Variants in CFAP47 observed in about 807,000 individuals in gnomAD.
CFAP47 encodes cilia- and flagella-associated protein 47.
Under a neutral mutation model 148.1 loss-of-function variants are expected in CFAP47, and 29 were observed. The observed-to-expected ratio is 0.20, with a 90% CI of 0.15 to 0.27. The LOEUF (loss-of-function observed/expected upper bound fraction) is 0.27. Among genes scored for constraint, CFAP47 ranks in the 10% least tolerant of loss-of-function variants. The pLI, the probability that CFAP47 is intolerant of heterozygous loss-of-function variation, is 1.00. For synonymous variants in CFAP47, 664 were observed against 577.3 expected (o/e 1.15, Z -2.15); for missense variants, 1,872 against 1,697.5 (o/e 1.10, Z -1.81).
chrX:36,059,119 G>C (rs1937575165), intron 26 of CFAP47, among the ~76,000 whole-genome samples: 1 of 111,343 alleles, frequency 9.0e-6, no homozygotes, highest in African/African-American at 3.3e-5. Flanking sequence ...CCTTGTTTTT[G>C]TGCTATTCTT....
At chrX:35,942,213 T>C (rs192932748) in intron 3 of CFAP47, among the ~76,000 whole-genome samples, 1 of 111,705 alleles carries the variant, frequency 9.0e-6, no homozygotes, top group East Asian at 2.8e-4. Flanking sequence ...GGTATTTCTA[T>C]CTGAGACTGT....
intron 8 of CFAP47, among the ~76,000 whole-genome samples, chrX:35,966,217 ATAT>A (rs1936400377): frequency 8.9e-6 from 1 of 112,348 alleles, no homozygotes; most frequent in South Asian, 3.4e-4. Context: ...TTAGCTGCTA[ATAT>A]TTAAGAAATA....
chrX:36,045,990 A>G (rs1378279803), intron 25 of CFAP47, among the ~76,000 whole-genome samples: 4 of 111,511 alleles, frequency 3.6e-5, no homozygotes, highest in African/African-American at 1.3e-4. Context: ...GCTAAGTAAT[A>G]ACTGAATTAT....
chrX:36,320,735 C>CT (rs1267650592), intron 57 of CFAP47, among the ~76,000 whole-genome samples: 1 of 111,767 alleles, frequency 8.9e-6, no homozygotes, highest in East Asian at 2.8e-4. Context: ...GATTTTTTCC[C>CT]TTTTTTTAAG....
chrX:36,329,276 A>AAT (rs200336423), intron 57 of CFAP47, among the ~76,000 whole-genome samples: 6,501 of 111,514 alleles, frequency 0.058, 165 homozygotes, highest in Middle Eastern at 0.12. Context: ...TCTCTCTGAT[A>AAT]ATATTCTCCA....
chrX:36,251,345 C>T lies in CFAP47; in HGVS notation c.7345C>T (p.Leu2449Phe), dbSNP rs1463242060. The stretch of plus-strand genomic sequence containing the variant: ...TTATCTCTTATAGGTAACTGCAGAT[C>T]TTCCAATAGTGTGGGGAAATCCACA... Reference protein sequence around the residue: ...TALTFKVTADLPIVWGNPQIT... With the variant: ...TALTFKVTADFPIVWGNPQIT... Residue 2449 changes from leucine to phenylalanine, a missense_variant, in exon 49 of 64, where the codon CTT becomes TTT. By Grantham distance (22) the Leu-to-Phe change is conservative. Transcript: ENST00000378653. 7 of 500,375 alleles carry T rather than the reference C, an allele frequency of 1.4e-5. No homozygotes were observed. Among genetic ancestry groups the T allele is most frequent in the Non-Finnish European group, 2.5e-5 (7 of 280,808 alleles). 41.2% of individuals were successfully genotyped at this position (500,375 alleles called of 1,213,427 possible).
chrX:36,315,226 A>G (rs1234961533), intron 56 of CFAP47, among the ~76,000 whole-genome samples: 2 of 112,175 alleles, frequency 1.8e-5, no homozygotes, highest in African/African-American at 3.2e-5. Context: ...GATGCTAAAT[A>G]TTATTGTGGT....
intron 18 of CFAP47, among the ~76,000 whole-genome samples, chrX:35,994,885 G>A (rs1204636004): frequency 1.8e-5 from 2 of 111,372 alleles, no homozygotes; most frequent in East Asian, 5.6e-4. Flanking sequence ...TGATGAACAA[G>A]ATAACCAGGG....
At chrX:36,306,748 C>T (rs982651746) in intron 54 of CFAP47, 24 bp from the exon 55 acceptor site, 1 of 1,029,264 alleles carries the variant, frequency 9.7e-7, no homozygotes, top group African/African-American at 1.9e-5. Context: ...TTTTGTTCCC[C>T]CTTTGCTTTT....
At chrX:35,955,152 C>T (rs928389448) in intron 7 of CFAP47, among the ~76,000 whole-genome samples, 4 of 112,118 alleles carry the variant, frequency 3.6e-5, no homozygotes, top group Non-Finnish European at 7.5e-5. Context: ...GTCTAGTAGA[C>T]ATTTCCATAA....
chrX:36,334,130 C>T (rs942582361), intron 57 of CFAP47, among the ~76,000 whole-genome samples: 2 of 111,645 alleles, frequency 1.8e-5, no homozygotes, highest in Non-Finnish European at 3.8e-5. Flanking sequence ...CAGTTTCATC[C>T]ACCTAACTCC....
At chrX:35,952,384 A>G (rs2089717991) in intron 6 of CFAP47, among the ~76,000 whole-genome samples, 1 of 112,098 alleles carries the variant, frequency 8.9e-6, no homozygotes, top group Non-Finnish European at 1.9e-5. Context: ...TTAAACCTAT[A>G]GCACCTTCCA....
At chrX:36,275,636 T>C (rs1556002557) in intron 49 of CFAP47, among the ~76,000 whole-genome samples, 1 of 111,134 alleles carries the variant, frequency 9.0e-6, no homozygotes, top group Non-Finnish European at 1.9e-5. Context: ...TCACAAGAGA[T>C]ACTGGACTTT....
chrX:36,115,701 G>C (rs982002158), intron 33 of CFAP47, among the ~76,000 whole-genome samples: 2 of 111,299 alleles, frequency 1.8e-5, no homozygotes, highest in Non-Finnish European at 3.8e-5. Flanking sequence ...TTTAAAAGCT[G>C]ATATTTAAAC....
intron 15 of CFAP47, among the ~76,000 whole-genome samples, chrX:35,983,060 T>C (rs951889350): frequency 2.7e-5 from 3 of 112,236 alleles, no homozygotes; most frequent in African/African-American, 9.7e-5. Flanking sequence ...TTTAACAGTA[T>C]TGATTCTTTC....
intron 47 of CFAP47, 47 bp downstream of exon 47, chrX:36,236,124 T>G: frequency 2.5e-6 from 1 of 405,251 alleles, no homozygotes; most frequent in Non-Finnish European, 4.4e-6. Flanking sequence ...ATAGTATCAT[T>G]AGTTAATAAA....
At chrX:36,179,559 T>A in intron 40 of CFAP47, 137 bp downstream of exon 40, 1 of 262,727 alleles carries the variant, frequency 3.8e-6, no homozygotes, top group Non-Finnish European at 6.7e-6. Context: ...CACACTCATA[T>A]CCAAATATAT....
At chrX:36,022,646 T>C (rs1462776101) in intron 22 of CFAP47, among the ~76,000 whole-genome samples, 2 of 111,285 alleles carry the variant, frequency 1.8e-5, no homozygotes, top group Non-Finnish European at 3.8e-5. Flanking sequence ...CCTGTAAGCA[T>C]GCTTAATTTT....
chrX:36,353,366 T>C lies in CFAP47; in HGVS notation c.8699-163T>C, dbSNP rs146390640. On this transcript the variant is annotated intron_variant, in intron 59 of 63. Transcript: ENST00000378653. The stretch of plus-strand genomic sequence containing the variant: ...CCCAAATGTTAACTGATGTAGATAT[T>C]GCATGAATGTGTGTGTGTATGTGTG... 8.8e-3 allele frequency among the ~76,000 whole-genome samples: 986 copies of C among 111,753 alleles called. 2 individuals carry two copies. Among genetic ancestry groups the C allele is most frequent in the Middle Eastern group, 0.032 (7 of 218 alleles).
Sources: gnomAD v4.1 joint callset for allele counts (sites outside exome capture counted in the v4.1 genomes callset) on GRCh38, gnomAD v4.1.1 for gene constraint, MANE v1.5 for transcripts, NCBI Gene and HGNC (gene_info 2026-07-23, HGNC 2026-07-21) for gene names.